The following MUC15 variants were observed in gnomAD, a reference collection of about 807,000 sequenced individuals.
MUC15 encodes mucin 15, cell surface associated, also known as mucin-15.
In MUC15, 23 loss-of-function variants were observed where a neutral mutation model predicts 24.0. That is an observed-to-expected ratio of 0.96 (90% CI 0.69 to 1.36). MUC15 has a LOEUF of 1.36. Among genes scored for constraint, MUC15 ranks in the 40% most tolerant of loss-of-function variants. The pLI is 0.00. For synonymous variants in MUC15, 151 were observed against 156.3 expected (o/e 0.97, Z 0.25); for missense variants, 442 against 428.2 (o/e 1.03, Z -0.29).
At chr11:26,562,354 A>G (rs1403246590) in intron 4 of MUC15, among the ~76,000 whole-genome samples, 4 of 152,030 alleles carry the variant, frequency 2.6e-5, no homozygotes, top group Admixed American at 6.6e-5. Flanking sequence ...GACTTCATCA[A>G]TGGGACCCAC....
chr11:26,560,270 G>A lies in MUC15; in HGVS notation c.*795C>T, dbSNP rs1850235216. 6.6e-6 allele frequency: 1 copy of A among 152,232 alleles called. No individual in the cohort carries two copies. The highest frequency in any genetic ancestry group is 1.5e-5 in the Non-Finnish European group (1 of 68,342). The allele number at this position is 152,232 out of a possible 1,614,324, so 9.4% of individuals were successfully genotyped here. A position where few individuals can be genotyped will look rare whatever the true frequency, so the allele number is the denominator to read the frequency against. ...AACAACTTAAAACTGTACAAATTAT[G>A]TACAGGTATATTCTTTGGTTAACTT... On this transcript the variant is annotated 3_prime_UTR_variant, in exon 5 of 5. Coordinates refer to ENST00000529533, the MANE Select transcript of MUC15 (RefSeq NM_001135091.2).
Position 26,561,219 on chromosome 11 carries a change from C to A in MUC15, c.932G>T (p.Arg311Leu), listed in dbSNP as rs763698649. ...LYDDRNEPVLRLDNAPEPYDV... is the reference protein window; with the variant it reads ...LYDDRNEPVLLLDNAPEPYDV... ...ATAAGGTTCCGGTGCATTGTCTAAT[C>A]GCAGAACTAAAAAAGTAACAAAATA... The change falls in exon 5 of 5, where the codon CGA becomes CTA. Residue 311 changes from arginine to leucine, a missense_variant. By Grantham distance (102) the Arg-to-Leu change is moderately radical. Transcript: ENST00000529533. 6 of 1,600,140 alleles carry A rather than the reference C, an allele frequency of 3.7e-6. No individual in the cohort carries two copies. The highest frequency in any genetic ancestry group is 5.1e-6 in the Non-Finnish European group (6 of 1,173,932).
At chr11:26,565,051 G>T in intron 3 of MUC15, 114 bp downstream of exon 3, 1 of 1,050,888 alleles carries the variant, frequency 9.5e-7, no homozygotes. Context: ...GAAAATCCAT[G>T]CTATTGTGTT....
At chr11:26,561,678 T>A (rs1850299827) in intron 4 of MUC15, among the ~76,000 whole-genome samples, 1 of 151,970 alleles carries the variant, frequency 6.6e-6, no homozygotes, top group African/African-American at 2.4e-5. Context: ...GCTAAACCAT[T>A]TAAGGTGGAG....
intron 4 of MUC15, chr11:26,562,901 A>G: frequency 3.7e-6 from 2 of 540,838 alleles, no homozygotes; most frequent in South Asian, 5.7e-5. Flanking sequence ...TGATGCAGTG[A>G]GCAACAGTTC....
In MUC15 at chr11:26,563,227, C is replaced by T; in HGVS notation, c.814G>A (p.Gly272Ser). The stretch of plus-strand genomic sequence containing the variant: ...AGCAATGAGACACCCAGAATAGCAC[C>T]TAAAATGGCCCCGAATACTATTCCT... ...NTGIVFGAIL[G>S]AILGVSLLTL... The change falls in exon 4 of 5, where the codon GGT becomes AGT. Residue 272 changes from glycine to serine, a missense_variant. Coordinates refer to ENST00000529533, the MANE Select transcript of MUC15 (RefSeq NM_001135091.2). 2 of 1,610,502 alleles carry T rather than the reference C, an allele frequency of 1.2e-6. No homozygotes were observed. The highest frequency in any genetic ancestry group is 1.7e-6 in the Non-Finnish European group (2 of 1,177,856).
intron 3 of MUC15, 125 bp from the exon 4 acceptor site, chr11:26,563,390 T>TCC (rs1850375634): frequency 1.1e-6 from 1 of 899,212 alleles, no homozygotes; most frequent in African/African-American, 2.5e-5. Flanking sequence ...GGTGTGTTTC[T>TCC]CTCTCTGTGT....
chr11:26,566,941 A>G, intron 2 of MUC15, 111 bp downstream of exon 2: 1 of 998,448 alleles, frequency 1.0e-6, no homozygotes, highest in East Asian at 3.1e-5. Context: ...GATCTAGCCT[A>G]AAGTAAACAC....
Position 26,568,500 on chromosome 11 carries a change from A to G in MUC15, c.-45-1361T>C, listed in dbSNP as rs113520067. Among the ~76,000 whole-genome samples the G allele has an allele frequency of 8.4e-4, 128 of 151,930 alleles. 1 individual carries two copies. Among genetic ancestry groups the G allele is most frequent in the African/African-American group, 3.0e-3 (125 of 41,484 alleles). On this transcript the variant is annotated intron_variant, in intron 1 of 4. Coordinates refer to ENST00000529533, the MANE Select transcript of MUC15 (RefSeq NM_001135091.2). ...TTTTTTTTTAATACAGCCTCTCCAAATTTAATTATTTTAACCAGAGCAGTT... is the reference window on the plus strand; with the variant it reads ...TTTTTTTTTAATACAGCCTCTCCAAGTTTAATTATTTTAACCAGAGCAGTT...
Position 26,560,854 on chromosome 11 carries a change from G to T in MUC15, c.*211C>A, listed in dbSNP as rs1342140774. 1.1e-5 allele frequency: 5 copies of T among 448,288 alleles called. No homozygotes were observed. In the East Asian group the frequency reaches 2.0e-4, roughly 18 times the overall value. 27.8% of individuals were successfully genotyped at this position (448,288 alleles called of 1,614,324 possible). ...CTAAAATACAAATTAAGGCTACTTA[G>T]TAAATGCCTCAGGATGGCCAAAAAT... On this transcript the variant is annotated 3_prime_UTR_variant, in exon 5 of 5. Coordinates refer to ENST00000529533, the MANE Select transcript of MUC15 (RefSeq NM_001135091.2).
At chr11:26,566,917 A>G in intron 2 of MUC15, 135 bp downstream of exon 2, 1 of 692,202 alleles carries the variant, frequency 1.4e-6, no homozygotes, top group Non-Finnish European at 2.1e-6. Context: ...CTTAGGTAGC[A>G]GCACTCTAAA....
In MUC15 at chr11:26,565,836, A is replaced by C; in HGVS notation, c.104T>G (p.Leu35Arg). The change falls in exon 3 of 5, where the codon CTG (leucine) becomes CGG (arginine). Residue 35 changes from leucine (L) to arginine (R), a missense_variant. Transcript: ENST00000529533. ...TGAATAAAACAACGTTGAAATCAAC[A>C]GAATTTTGGCTAAGGCCAACATTGT... ...KPTMLALAKI[L>R]LISTLFYSLL... 1 of 1,612,882 alleles carries C rather than the reference A, an allele frequency of 6.2e-7. No homozygotes were observed. Among genetic ancestry groups the C allele is most frequent in the South Asian group, 1.1e-5 (1 of 90,928 alleles).
chr11:26,565,594 T>C lies in MUC15; in HGVS notation c.346A>G (p.Ser116Gly), dbSNP rs771091437. ...NNSHGITDFS[S>G]NSSAEHSLGS... ...AAAGAATGCTCTGCTGATGAGTTAC[T>C]GGAGAAATCTGTTATTCCGTGGCTG... The change falls in exon 3 of 5, where the codon AGT (serine) becomes GGT (glycine). Residue 116 changes from serine (S) to glycine (G), a missense_variant. Coordinates refer to ENST00000529533, the MANE Select transcript of MUC15 (RefSeq NM_001135091.2). 6.2e-7 allele frequency: 1 copy of C among 1,613,348 alleles called. No homozygotes were observed. Among genetic ancestry groups the C allele is most frequent in the Non-Finnish European group, 8.5e-7 (1 of 1,179,544 alleles).
chr11:26,563,163 G>C lies in MUC15; in HGVS notation c.878C>G (p.Thr293Arg). The change falls in exon 4 of 5, where the codon ACG becomes AGG. Residue 293 changes from threonine to arginine, a missense_variant. Transcript: ENST00000529533. ...AAGTCGCCGATGGGAAAATGAATCC[G>C]TTTTCCTTTTTCCACACAACAAGTA... Reference protein sequence around the residue: ...VGYLLCGKRKTDSFSHRRLYD... With the variant: ...VGYLLCGKRKRDSFSHRRLYD... 6.2e-7 allele frequency: 1 copy of C among 1,612,106 alleles called. No homozygotes were observed. Among genetic ancestry groups the C allele is most frequent in the Non-Finnish European group, 8.5e-7 (1 of 1,178,826 alleles).
At chr11:26,568,673 AGTT>A (rs1369841577) in intron 1 of MUC15, among the ~76,000 whole-genome samples, 6 of 152,072 alleles carry the variant, frequency 3.9e-5, no homozygotes, top group Non-Finnish European at 8.8e-5. Context: ...TTTACCATGA[AGTT>A]TACAGATTAG....
rs1590547017 is a variant in MUC15, at chr11:26,565,166, T to A, written c.774A>T (p.Lys258Asn). The stretch of plus-strand genomic sequence containing the variant: ...AAAGTTAAAATCATTTATATTTACC[T>A]TTTTGGGGATCTGACGTATTTGGAA... Reference protein sequence around the residue: ...KLFPNTSDPQKENRNTGIVFG... With the variant: ...KLFPNTSDPQNENRNTGIVFG... Residue 258 changes from lysine (K) to asparagine (N), a missense_variant and splice_region_variant, in exon 3 of 5, where the codon AAA (lysine) becomes AAT (asparagine). By Grantham distance (94) the Lys-to-Asn change is moderately conservative (BLOSUM62 0). Transcript: ENST00000529533. The A allele has an allele frequency of 6.7e-7, 1 of 1,499,786 alleles. No homozygotes were observed. Among genetic ancestry groups the A allele is most frequent in the Non-Finnish European group, 8.9e-7 (1 of 1,124,552 alleles). 92.9% of individuals were successfully genotyped at this position (1,499,786 alleles called of 1,614,324 possible). A position where few individuals can be genotyped will look rare whatever the true frequency, so the allele number is the denominator to read the frequency against.
Position 26,559,813 on chromosome 11 carries a change from T to C in MUC15, c.*1252A>G, listed in dbSNP as rs1850210448. 2.8e-6 allele frequency: 4 copies of C among 1,415,496 alleles called. No homozygotes were observed. In the South Asian group the frequency reaches 4.6e-5, roughly 16 times the overall value. 87.7% of individuals were successfully genotyped at this position (1,415,496 alleles called of 1,614,324 possible). A position where few individuals can be genotyped will look rare whatever the true frequency, so the allele number is the denominator to read the frequency against. On this transcript the variant is annotated 3_prime_UTR_variant, in exon 5 of 5. Coordinates refer to ENST00000529533, the MANE Select transcript of MUC15 (RefSeq NM_001135091.2). The stretch of plus-strand genomic sequence containing the variant: ...TTTCTTCATTACTTTCTATCCCTTA[T>C]TTTCTGAAGCTGTTTCTGTGTTACA...
intron 3 of MUC15, among the ~76,000 whole-genome samples, chr11:26,564,680 TACTCATATATATAC>T (rs1372658272): frequency 1.6e-5 from 2 of 125,474 alleles, no homozygotes; most frequent in Non-Finnish European, 3.4e-5. Context: ...CATATATATA[TACTCATATATATAC>T]ACACACACAC....
chr11:26,565,890 A>G lies in MUC15; in HGVS notation c.50T>C (p.Phe17Ser), dbSNP rs574156507. 4.3e-5 allele frequency: 67 copies of G among 1,572,958 alleles called. No homozygotes were observed. In the South Asian group the frequency reaches 7.5e-4, roughly 18 times the overall value. ...ILATSRDCYS[F>S]KKKPIPKKPT... Reference sequence around the variant, plus strand: ...CTTCTTTGGTATTGGTTTTTTTTTAAAGGAATCTGAAAGAAAATAACCATA... The same window carrying G: ...CTTCTTTGGTATTGGTTTTTTTTTAGAGGAATCTGAAAGAAAATAACCATA... The change falls in exon 3 of 5, where the codon TTT becomes TCT. Residue 17 changes from phenylalanine to serine, a missense_variant. Coordinates refer to ENST00000529533, the MANE Select transcript of MUC15 (RefSeq NM_001135091.2).
Sources: gnomAD v4.1 joint callset for allele counts (sites outside exome capture counted in the v4.1 genomes callset) on GRCh38, gnomAD v4.1.1 for gene constraint, MANE v1.5 for transcripts, NCBI Gene and HGNC (gene_info 2026-07-23, HGNC 2026-07-21) for gene names.